The following TJP2 variants were observed in gnomAD, a reference collection of about 807,000 sequenced individuals.
TJP2 encodes tight junction protein 2.
TJP2 carries 91 observed loss-of-function variants against 133.1 expected under a neutral mutation model. That is an observed-to-expected ratio of 0.68 (90% CI 0.58 to 0.81). TJP2 has a LOEUF of 0.81. Ranked by LOEUF, TJP2 falls within the 40% of genes least tolerant of loss-of-function variation. The pLI is 0.00. For synonymous variants in TJP2, 592 were observed against 583.4 expected, an observed-to-expected ratio of 1.01 and a Z score of -0.21; for missense variants, 1,541 against 1,565.6, an observed-to-expected ratio of 0.98 and a Z score of 0.26.
chr9:69,223,289 CTGTTTTGTTTTGTTTTGTTTTGTTT>C (rs10594219), intron 5 of TJP2, among the ~76,000 whole-genome samples: 6 of 150,012 alleles, frequency 4.0e-5, no homozygotes, highest in African/African-American at 1.5e-4. Context: ...GGCTTCGTTT[CTGTTTTGTTTTGTTTTGTTTTGTTT>C]TGTTTTGTTT....
upstream of TJP2, among the ~76,000 whole-genome samples, chr9:69,172,594 C>A (rs1173773392): frequency 1.3e-5 from 2 of 152,208 alleles, no homozygotes; most frequent in East Asian, 3.8e-4. Context: ...GATGTAACTG[C>A]CACATTCTGG....
intron 1 of TJP2, among the ~76,000 whole-genome samples, chr9:69,183,237 G>C (rs958072524): frequency 2.0e-5 from 3 of 152,142 alleles, no homozygotes; most frequent in African/African-American, 7.2e-5. Context: ...AGAGGTAGGT[G>C]AATTTTTACA....
chr9:69,234,370 T>TTTC, intron 11 of TJP2, 69 bp from the exon 12 acceptor site: 3 of 1,117,180 alleles, frequency 2.7e-6, no homozygotes, highest in Non-Finnish European at 3.8e-6. Context: ...CTTCTCTGTT[T>TTTC]TTTCTTTCTT....
intron 1 of TJP2, among the ~76,000 whole-genome samples, chr9:69,193,446 G>A (rs1319390742): frequency 2.7e-5 from 4 of 150,204 alleles, no homozygotes; most frequent in African/African-American, 9.8e-5. Context: ...TATAATTTCT[G>A]CCAGTAATTT....
At chr9:69,218,663 T>C in intron 4 of TJP2, 1 of 383,380 alleles carries the variant, frequency 2.6e-6, no homozygotes, top group South Asian at 2.3e-5. Flanking sequence ...AGTATTAATT[T>C]AGAAAAAAAC....
Position 69,198,388 on chromosome 9 carries a change from C to T in TJP2, c.61-14160C>T, listed in dbSNP as rs1056604803. Among the ~76,000 whole-genome samples, 7 of 152,194 alleles carry T rather than the reference C, an allele frequency of 4.6e-5. No individual in the cohort carries two copies. The South Asian group carries it at 8.3e-4, about 18-fold the overall frequency. On this transcript the variant is annotated intron_variant, in intron 1 of 22. Transcript: ENST00000377245. ...ATCTCCTGACCTCAGGTCATCTGCC[C>T]GCCTTGGCCTCCCAAGGTGCTGGGA...
At chr9:69,197,328 G>A (rs543685638) in intron 1 of TJP2, among the ~76,000 whole-genome samples, 97 of 151,848 alleles carry the variant, frequency 6.4e-4, no homozygotes, top group African/African-American at 2.2e-3. Flanking sequence ...TTATTGTTGA[G>A]TAACAGTTCA....
Position 69,174,420 on chromosome 9 carries a change from A to G in TJP2, c.48A>G (p.Ser16=). The change falls in exon 1 of 23, where the codon TCA becomes TCG. Residue 16 remains serine (S), a synonymous_variant. Coordinates refer to ENST00000377245, the MANE Select transcript of TJP2 (RefSeq NM_004817.4). ...GGTTTCCACCCCGGCGGGAGCTGTC[A>G]GGTTGGCTCCGCGTAAGTGCCTCCT... ...DRGFPPRREL[S]GWLRAPGMEE... The G allele has an allele frequency of 6.4e-7, 1 of 1,551,574 alleles. No individual in the cohort carries two copies. Among genetic ancestry groups the G allele is most frequent in the Non-Finnish European group, 8.7e-7 (1 of 1,147,060 alleles).
At chr9:69,229,481 A>T (rs1829605814) in intron 10 of TJP2, among the ~76,000 whole-genome samples, 1 of 152,318 alleles carries the variant, frequency 6.6e-6, no homozygotes, top group Non-Finnish European at 1.5e-5. Context: ...TTACCTACCT[A>T]TCTAGCTACC....
chr9:69,251,030 C>G lies in TJP2; in HGVS notation c.2992-5C>G. 1 of 1,613,928 alleles carries G rather than the reference C, an allele frequency of 6.2e-7. No homozygotes were observed. The highest frequency in any genetic ancestry group is 1.6e-4 in the Middle Eastern group (1 of 6,062). On this transcript the variant is annotated splice_region_variant and splice_polypyrimidine_tract_variant and intron_variant, in intron 20 of 22. Transcript: ENST00000377245. ...AGGGTGAAAACGTGTCATTGCTCTC[C>G]GCAGGCCAAAACCCAGAACAAAGAA... is the stretch of plus-strand genomic sequence containing the variant.
At chr9:69,151,208 G>A (rs951338133) in intron 1 of TJP2, among the ~76,000 whole-genome samples, 15 of 152,170 alleles carry the variant, frequency 9.9e-5, no homozygotes, top group African/African-American at 2.7e-4. Flanking sequence ...TGGGCCGGGC[G>A]CAGTGGCTGA....
At chr9:69,206,184 A>C (rs1827388793) in intron 1 of TJP2, among the ~76,000 whole-genome samples, 1 of 152,206 alleles carries the variant, frequency 6.6e-6, no homozygotes, top group African/African-American at 2.4e-5. Flanking sequence ...CGTGAAAAGT[A>C]AAAGTGATAA....
intron 17 of TJP2, among the ~76,000 whole-genome samples, chr9:69,245,819 C>G (rs1243778055): frequency 1.3e-5 from 2 of 152,166 alleles, no homozygotes; most frequent in Non-Finnish European, 2.9e-5. Context: ...GTAAGATATA[C>G]TTTGTTCTGA....
At chr9:69,145,132 AT>A (rs1823158468) in intron 1 of TJP2, among the ~76,000 whole-genome samples, 1 of 152,208 alleles carries the variant, frequency 6.6e-6, no homozygotes, top group South Asian at 2.1e-4. Flanking sequence ...TTGTTTCTTA[AT>A]TAATTAATCT....
intron 21 of TJP2, among the ~76,000 whole-genome samples, chr9:69,252,099 A>G (rs1831379485): frequency 6.6e-6 from 1 of 151,990 alleles, no homozygotes; most frequent in Non-Finnish European, 1.5e-5. Flanking sequence ...GGCTCAGGAG[A>G]TACTCCCACC....
intron 11 of TJP2, among the ~76,000 whole-genome samples, chr9:69,233,089 A>AAC (rs1475627562): frequency 1.3e-5 from 2 of 152,270 alleles, no homozygotes; most frequent in African/African-American, 4.8e-5. Context: ...AAAGGATACC[A>AAC]AAATGGGATG....
intron 1 of TJP2, among the ~76,000 whole-genome samples, chr9:69,177,881 G>C (rs1825213734): frequency 6.6e-6 from 1 of 152,058 alleles, no homozygotes; most frequent in Admixed American, 6.6e-5. Context: ...TAGTGTGAGA[G>C]GCAGAGTTCC....
intron 18 of TJP2, 98 bp from the exon 19 acceptor site, chr9:69,247,914 G>A: frequency 8.0e-7 from 1 of 1,250,260 alleles, no homozygotes; most frequent in Non-Finnish European, 1.1e-6. Flanking sequence ...GCACATCAAG[G>A]TTTCAGTCGC....
At position 69,237,232 on chromosome 9, in the gene TJP2, A is replaced by G; in HGVS notation, c.2179+96A>G. ...TGTATGGTCAAGTTCTAACTTATGT[A>G]TGTCAGTTATGCCAAAGGCAGTTTA... On this transcript the variant is annotated intron_variant, in intron 14 of 22. Transcript: ENST00000377245. The G allele has an allele frequency of 2.8e-6, 4 of 1,408,596 alleles. No individual in the cohort carries two copies. The South Asian group carries it at 4.7e-5, about 16-fold the overall frequency. 87.3% of individuals were successfully genotyped at this position (1,408,596 alleles called of 1,614,324 possible).
Sources: gnomAD v4.1 joint callset for allele counts (sites outside exome capture counted in the v4.1 genomes callset) on GRCh38, gnomAD v4.1.1 for gene constraint, MANE v1.5 for transcripts, NCBI Gene and HGNC (gene_info 2026-07-23, HGNC 2026-07-21) for gene names.